Variants in VWA3B observed in about 807,000 individuals in gnomAD.
VWA3B encodes von Willebrand factor A domain-containing protein 3B.
In VWA3B, 138 loss-of-function variants were observed where a neutral mutation model predicts 158.3. The observed-to-expected ratio is 0.87, with a 90% confidence interval of 0.76 to 1.00. The LOEUF (loss-of-function observed/expected upper bound fraction) is 1.00. VWA3B is among the 50% of genes least tolerant of loss of function. The probability of loss-of-function intolerance (pLI) is 0.00; values close to 1 mark genes in which losing one functional copy is unlikely to be tolerated. For missense variants in VWA3B, 1,555 were observed against 1,565.1 expected (o/e 0.99, Z 0.11); for synonymous variants, 596 against 587.3 (o/e 1.01, Z -0.21).
rs779014234 is a variant in VWA3B at position 98,234,651 on chromosome 2, C to G, written c.2312C>G (p.Ser771Ter). The G allele has an allele frequency of 9.3e-6, 15 of 1,614,074 alleles. No homozygotes were observed. The highest frequency in any genetic ancestry group is 1.2e-5 in the Non-Finnish European group (14 of 1,180,018). Residue 771 changes from serine to a stop codon, truncating the protein, a stop_gained, in exon 17 of 28, where the codon TCA becomes TGA. Transcript: ENST00000477737. LOFTEE classifies it high-confidence loss of function. Reference sequence around the variant, plus strand: ...CTTCCCTCTGTGATACCAACAGAATCAACCAAAACCAGCCTGCTCAGAAGC... The same window carrying G: ...CTTCCCTCTGTGATACCAACAGAATGAACCAAAACCAGCCTGCTCAGAAGC... The part of the protein sequence containing the change: ...VQKKKVLHAE[S>*]TKTSLLRSQM...
At chr2:98,289,367 GA>G (rs1448618366) in intron 22 of VWA3B, among the ~76,000 whole-genome samples, 1 of 152,132 alleles carries the variant, frequency 6.6e-6, no homozygotes, top group African/African-American at 2.4e-5. Context: ...GGATGAATGG[GA>G]AGGGAAAGTT....
downstream of VWA3B, among the ~76,000 whole-genome samples, chr2:98,314,658 A>G (rs1334517305): frequency 6.6e-6 from 1 of 152,208 alleles, no homozygotes; most frequent in African/African-American, 2.4e-5. Context: ...TACAATTTAC[A>G]ATGTCTGACA....
intron 19 of VWA3B, among the ~76,000 whole-genome samples, chr2:98,248,328 T>C (rs531903893): frequency 1.3e-5 from 2 of 152,290 alleles, no homozygotes; most frequent in East Asian, 3.9e-4. Context: ...TTTTGGTGTA[T>C]ACTTGGGAAT....
rs978469760 is a variant in VWA3B, at chr2:98,087,273, C to T, written c.-123C>T. ...TTATCCACCAGCGGGATGCTTACCTCGCCCGCCCTCTCGGGTCAGGCGGGC... is the reference window on the plus strand; with the variant it reads ...TTATCCACCAGCGGGATGCTTACCTTGCCCGCCCTCTCGGGTCAGGCGGGC... On this transcript the variant is annotated 5_prime_UTR_variant, in exon 1 of 28. Coordinates refer to ENST00000477737, the MANE Select transcript of VWA3B (RefSeq NM_144992.5). The T allele has an allele frequency of 6.6e-5, 10 of 152,260 alleles. No homozygotes were observed. Among genetic ancestry groups the T allele is most frequent in the Admixed American group, 2.6e-4 (4 of 15,276 alleles). 9.4% of individuals were successfully genotyped at this position (152,260 alleles called of 1,614,324 possible). A position where few individuals can be genotyped will look rare whatever the true frequency, so the allele number is the denominator to read the frequency against.
chr2:98,250,159 T>C (rs1348363363), intron 19 of VWA3B, among the ~76,000 whole-genome samples, 159 bp from the exon 20 acceptor site: 1 of 152,200 alleles, frequency 6.6e-6, no homozygotes, highest in East Asian at 1.9e-4. Context: ...GATATCTCTT[T>C]TTTCTCTGTG....
intron 7 of VWA3B, 58 bp from the exon 8 acceptor site, chr2:98,162,793 G>A: frequency 1.3e-6 from 2 of 1,597,544 alleles, no homozygotes; most frequent in Non-Finnish European, 1.7e-6. Flanking sequence ...TGCTAGGCGG[G>A]CTGCCACATT....
chr2:98,285,718 G>A (rs1489632630), intron 22 of VWA3B, among the ~76,000 whole-genome samples: 2 of 150,304 alleles, frequency 1.3e-5, no homozygotes, highest in Non-Finnish European at 3.0e-5. Flanking sequence ...ATTTTTTGGG[G>A]GGTCATCTGT....
intron 22 of VWA3B, among the ~76,000 whole-genome samples, chr2:98,277,923 G>T (rs1289147649): frequency 6.6e-6 from 1 of 152,106 alleles, no homozygotes; most frequent in Non-Finnish European, 1.5e-5. Context: ...CTGTGTCCCA[G>T]ATAGTAAATG....
chr2:98,247,101 GA>G (rs1686449352), intron 19 of VWA3B, among the ~76,000 whole-genome samples: 1 of 151,856 alleles, frequency 6.6e-6, no homozygotes, highest in South Asian at 2.1e-4. Context: ...GGGTTTAAGT[GA>G]TTCTCCTGCC....
chr2:98,141,784 T>C (rs954248485), intron 7 of VWA3B, among the ~76,000 whole-genome samples: 4 of 152,166 alleles, frequency 2.6e-5, no homozygotes, highest in Non-Finnish European at 4.4e-5. Flanking sequence ...CATGATGTTC[T>C]CCAAGTCAGC....
Position 98,311,799 on chromosome 2 carries a change from T to C in VWA3B, c.3522-20T>C. 6.4e-7 allele frequency: 1 copy of C among 1,570,166 alleles called. No homozygotes were observed. The highest frequency in any genetic ancestry group is 1.2e-5 in the South Asian group (1 of 83,244). ...CGCAGCCATCAAGGCAGGGTAACCC[T>C]GATCTCTCTCTGTCTCTAGAGAGGA... On this transcript the variant is annotated intron_variant, in intron 26 of 27. Coordinates refer to ENST00000477737, the MANE Select transcript of VWA3B (RefSeq NM_144992.5).
At chr2:98,210,919 G>T (rs747755075) in intron 12 of VWA3B, among the ~76,000 whole-genome samples, 2 of 152,228 alleles carry the variant, frequency 1.3e-5, no homozygotes, top group Non-Finnish European at 2.9e-5. Flanking sequence ...AAACTTGGCA[G>T]TAGTGGCAGA....
chr2:98,153,106 T>C (rs1677768011), intron 7 of VWA3B, among the ~76,000 whole-genome samples: 1 of 152,166 alleles, frequency 6.6e-6, no homozygotes, highest in Admixed American at 6.6e-5. Flanking sequence ...CTCTAGCCTG[T>C]ACTCACCTGG....
chr2:98,197,907 G>A (rs1398668702), intron 12 of VWA3B, among the ~76,000 whole-genome samples: 1 of 151,906 alleles, frequency 6.6e-6, no homozygotes, highest in Non-Finnish European at 1.5e-5. Context: ...ACCAAGATCT[G>A]GACACCTGGT....
At chr2:98,256,254 A>G in intron 21 of VWA3B, 80 bp downstream of exon 21, 1 of 1,438,096 alleles carries the variant, frequency 7.0e-7, no homozygotes, top group Non-Finnish European at 9.5e-7. Flanking sequence ...TAAAGTGTAC[A>G]ATGCAGAGGT....
chr2:98,320,227 C>T, the VWA3B span, among the ~76,000 whole-genome samples: 4 of 152,198 alleles, frequency 2.6e-5, no homozygotes, highest in African/African-American at 9.7e-5. Flanking sequence ...CCAAGTAAGT[C>T]ATGGCTTTCC....
intron 21 of VWA3B, among the ~76,000 whole-genome samples, chr2:98,270,225 G>A (rs1221057100): frequency 6.6e-6 from 1 of 152,220 alleles, no homozygotes; most frequent in East Asian, 1.9e-4. Flanking sequence ...GCTAAAATGA[G>A]CTAGTATAAG....
At chr2:98,239,561 T>A (rs1245553943) in intron 19 of VWA3B, among the ~76,000 whole-genome samples, 1 of 151,792 alleles carries the variant, frequency 6.6e-6, no homozygotes, top group African/African-American at 2.4e-5. Context: ...AGCTTTTAAT[T>A]TTTATTGTAG....
chr2:98,296,328 G>A (rs1486454682), intron 23 of VWA3B, among the ~76,000 whole-genome samples: 4 of 152,178 alleles, frequency 2.6e-5, no homozygotes, highest in South Asian at 2.1e-4. Flanking sequence ...AATCAGGAGC[G>A]GCTCTTGTTT....
Sources: allele counts gnomAD v4.1 joint callset (sites outside exome capture counted in the v4.1 genomes callset), GRCh38; gene constraint gnomAD v4.1.1; transcripts MANE v1.5; gene names NCBI Gene and HGNC (gene_info 2026-07-23, HGNC 2026-07-21).